Variants in BBS12 observed in about 807,000 individuals in gnomAD.
BBS12 encodes the protein chaperonin-containing T-complex member BBS12.
A neutral mutation model predicts 5.6 loss-of-function variants in BBS12; 5 were observed. That is an observed-to-expected ratio of 0.89 (90% CI 0.46 to 1.86). The LOEUF (loss-of-function observed/expected upper bound fraction) is 1.86, where lower values mean the gene tolerates loss of function less well. Ranked by LOEUF, BBS12 falls within the 40% of genes most tolerant of loss-of-function variation. BBS12 has a pLI of 0.01. For synonymous variants in BBS12, 308 were observed against 306.8 expected, an observed-to-expected ratio of 1.00 and a Z score of -0.04; for missense variants, 748 against 830.4, an observed-to-expected ratio of 0.90 and a Z score of 1.22.
the BBS12 span, among the ~76,000 whole-genome samples, chr4:122,726,785 G>T: frequency 6.6e-6 from 1 of 152,202 alleles, no homozygotes. Context: ...AAAAAGAAAT[G>T]AGTTTATGGC....
chr4:122,743,395 G>A lies in BBS12; in HGVS notation c.1503G>A (p.Thr501=), dbSNP rs750488316. Residue 501 remains threonine, a synonymous_variant, in exon 2 of 2, where the codon ACG becomes ACA. Transcript: ENST00000314218. ...AAACAGAAGGAATTAATTTGGTTACGGCCGTGCTCACTAACCCAGTTACTG... is the reference window on the plus strand; with the variant it reads ...AAACAGAAGGAATTAATTTGGTTACAGCCGTGCTCACTAACCCAGTTACTG... ...LLKTEGINLV[T]AVLTNPVTAQ... The A allele has an allele frequency of 5.6e-6, 9 of 1,614,166 alleles. No homozygotes were observed. The highest frequency in any genetic ancestry group is 2.2e-5 in the East Asian group (1 of 44,888).
intron 1 of BBS12, among the ~76,000 whole-genome samples, chr4:122,740,965 G>T (rs951599958): frequency 3.9e-5 from 6 of 152,080 alleles, no homozygotes; most frequent in Non-Finnish European, 7.4e-5. Flanking sequence ...CTAGTAAAGC[G>T]GTAGGATTAA....
At chr4:122,708,775 A>C in the BBS12 span, among the ~76,000 whole-genome samples, 1 of 152,136 alleles carries the variant, frequency 6.6e-6, no homozygotes, top group Non-Finnish European at 1.5e-5. Flanking sequence ...AAAACATCAC[A>C]TTGTGCCCCG....
At chr4:122,730,727 A>G (rs897175970), upstream of BBS12, 5 of 152,152 alleles carry the variant, frequency 3.3e-5, no homozygotes, top group African/African-American at 1.2e-4. Context: ...TTTTAAATGC[A>G]TAAGTGCAAC....
the BBS12 span, among the ~76,000 whole-genome samples, chr4:122,723,363 A>G: frequency 6.6e-6 from 1 of 152,224 alleles, no homozygotes; most frequent in Non-Finnish European, 1.5e-5. Flanking sequence ...ATTTGGGCCT[A>G]GAGTTTTCTT....
chr4:122,712,253 A>G, the BBS12 span, among the ~76,000 whole-genome samples: 2 of 152,214 alleles, frequency 1.3e-5, no homozygotes, highest in Non-Finnish European at 2.9e-5. Context: ...TCCTCTATCT[A>G]TACACATATC....
At chr4:122,721,261 C>T in the BBS12 span, among the ~76,000 whole-genome samples, 4 of 151,962 alleles carry the variant, frequency 2.6e-5, no homozygotes, top group African/African-American at 7.3e-5. Context: ...ATGAAGAGCA[C>T]CAGTTTATAA....
At position 122,742,814 on chromosome 4, in the gene BBS12, T is replaced by C; in HGVS notation, c.922T>C (p.Phe308Leu). 6.2e-7 allele frequency: 1 copy of C among 1,614,184 alleles called. No individual in the cohort carries two copies. The highest frequency in any genetic ancestry group is 8.5e-7 in the Non-Finnish European group (1 of 1,180,028). ...GCAACAAGGCAACTGTACAAAACCA[T>C]TTATGTTTGACATTTCAAGAATTTT... The part of the protein sequence containing the change: ...CVQQGNCTKP[F>L]MFDISRIFTC... Residue 308 changes from phenylalanine to leucine, a missense_variant, in exon 2 of 2, where the codon TTT becomes CTT. Coordinates refer to ENST00000314218, the MANE Select transcript of BBS12 (RefSeq NM_152618.3).
rs950130378 is a variant in BBS12 at position 122,741,120 on chromosome 4, C to T, written c.-10-763C>T. Among the ~76,000 whole-genome samples the T allele has an allele frequency of 2.6e-5, 4 of 152,290 alleles. No individual in the cohort carries two copies. In the East Asian group the frequency reaches 7.7e-4, roughly 29 times the overall value. On this transcript the variant is annotated intron_variant, in intron 1 of 1. Coordinates refer to ENST00000314218, the MANE Select transcript of BBS12 (RefSeq NM_152618.3). ...ACTTGCTATGGCACATAATGCCCTTCGTAAACCAGCTCATTTCCTCTTCTA... is the reference window on the plus strand; with the variant it reads ...ACTTGCTATGGCACATAATGCCCTTTGTAAACCAGCTCATTTCCTCTTCTA...
chr4:122,713,050 T>C, the BBS12 span, among the ~76,000 whole-genome samples: 1 of 152,206 alleles, frequency 6.6e-6, no homozygotes, highest in Non-Finnish European at 1.5e-5. Context: ...ACTGCAGTTA[T>C]AAAGCTGGGT....
chr4:122,714,920 G>A, the BBS12 span, among the ~76,000 whole-genome samples: 1 of 151,918 alleles, frequency 6.6e-6, no homozygotes, highest in Non-Finnish European at 1.5e-5. Context: ...GACAATACAT[G>A]TCTATCATGT....
chr4:122,725,452 T>A, the BBS12 span, among the ~76,000 whole-genome samples: 2 of 151,962 alleles, frequency 1.3e-5, no homozygotes, highest in Admixed American at 6.6e-5. Flanking sequence ...AACGCAGAAA[T>A]AAACCCAAAT....
In BBS12 at chr4:122,742,487, T is replaced by G; in HGVS notation, c.595T>G (p.Leu199Val). 1 of 1,614,034 alleles carries G rather than the reference T, an allele frequency of 6.2e-7. No homozygotes were observed. The stretch of plus-strand genomic sequence containing the variant: ...TGGGAGACCTCTTAAATCATATGAA[T>G]TATTTAAACCTCAGACAAAGGTTGA... ...LSGRPLKSYE[L>V]FKPQTKVEAD... Residue 199 changes from leucine to valine, a missense_variant, in exon 2 of 2, where the codon TTA (leucine) becomes GTA (valine). Coordinates refer to ENST00000314218, the MANE Select transcript of BBS12 (RefSeq NM_152618.3).
At chr4:122,705,021 G>C in the BBS12 span, among the ~76,000 whole-genome samples, 5 of 152,194 alleles carry the variant, frequency 3.3e-5, no homozygotes, top group Non-Finnish European at 7.3e-5. Context: ...ACCATGATGA[G>C]CTTAGGCCTT....
chr4:122,709,916 A>G, the BBS12 span, among the ~76,000 whole-genome samples: 6 of 152,138 alleles, frequency 3.9e-5, no homozygotes, highest in Non-Finnish European at 8.8e-5. Context: ...TCAGCCTCCC[A>G]AAGTGCTGGG....
the BBS12 span, among the ~76,000 whole-genome samples, chr4:122,721,478 C>T: frequency 6.6e-6 from 1 of 152,202 alleles, no homozygotes; most frequent in African/African-American, 2.4e-5. Flanking sequence ...TAAATAGCCA[C>T]CACAAAACTT....
intron 1 of BBS12, among the ~76,000 whole-genome samples, chr4:122,737,964 T>C (rs992031988): frequency 1.3e-5 from 2 of 152,200 alleles, no homozygotes; most frequent in African/African-American, 4.8e-5. Context: ...CAATTGGATA[T>C]CCACATGCAA....
the BBS12 span, among the ~76,000 whole-genome samples, chr4:122,722,737 T>C: frequency 6.6e-6 from 1 of 152,170 alleles, no homozygotes; most frequent in East Asian, 1.9e-4. Context: ...AACCTTACTT[T>C]CAGCAATCTA....
the BBS12 span, among the ~76,000 whole-genome samples, chr4:122,720,701 C>T: frequency 1.3e-3 from 191 of 152,060 alleles, 2 homozygotes; most frequent in African/African-American, 4.4e-3. Context: ...TATGATGATT[C>T]GGAAACAACA....
Sources: gnomAD v4.1 joint callset for allele counts (sites outside exome capture counted in the v4.1 genomes callset) on GRCh38, gnomAD v4.1.1 for gene constraint, MANE v1.5 for transcripts, NCBI Gene and HGNC (gene_info 2026-07-23, HGNC 2026-07-21) for gene names.